HDAC9: variants seen among roughly 807,000 people sequenced by gnomAD.
HDAC9 encodes the protein histone deacetylase 9, also known as MEF-2 interacting transcription repressor (MITR) protein.
Under a neutral mutation model 139.4 loss-of-function variants are expected in HDAC9, and 41 were observed. The observed-to-expected ratio is 0.29, with a 90% CI of 0.23 to 0.38. The LOEUF (loss-of-function observed/expected upper bound fraction) is 0.38. Ranked by LOEUF, HDAC9 falls within the 10% of genes least tolerant of loss-of-function variation. HDAC9 has a pLI of 1.00. For missense variants in HDAC9, 1,147 were observed against 1,297.0 expected (o/e 0.88, Z 1.78); for synonymous variants, 517 against 476.2 (o/e 1.09, Z -1.12).
At position 18,222,663 on chromosome 7, in the gene HDAC9, G is replaced by C. The variant is rs763344323; in HGVS notation, c.25+60314G>C. On this transcript the variant is annotated intron_variant, in intron 2 of 12. Coordinates refer to the HDAC9 transcript ENST00000417496. ...TTTGCAAATGTAAACCTCTATTGCTGTCTACATATTTAAAACATTTTAAAT... is the reference window on the plus strand; with the variant it reads ...TTTGCAAATGTAAACCTCTATTGCTCTCTACATATTTAAAACATTTTAAAT... 4.6e-5 allele frequency among the ~76,000 whole-genome samples: 7 copies of C among 152,012 alleles called. 1 individual carries two copies. Among genetic ancestry groups the C allele is most frequent in the Admixed American group, 3.3e-4 (5 of 15,256 alleles).
chr7:18,505,295 T>G (rs1661386090), intron 2 of HDAC9, among the ~76,000 whole-genome samples: 1 of 152,192 alleles, frequency 6.6e-6, no homozygotes, highest in African/African-American at 2.4e-5. Context: ...GAAAGTAATT[T>G]TTTTTGAAAT....
chr7:18,642,530 G>A (rs1242286320), intron 8 of HDAC9, among the ~76,000 whole-genome samples: 1 of 152,092 alleles, frequency 6.6e-6, no homozygotes, highest in Non-Finnish European at 1.5e-5. Context: ...GACAGCATGA[G>A]CATAATGGTA....
chr7:18,551,445 A>G (rs1817097770), intron 2 of HDAC9, among the ~76,000 whole-genome samples: 1 of 152,042 alleles, frequency 6.6e-6, no homozygotes, highest in Non-Finnish European at 1.5e-5. Context: ...CAAGAACTAA[A>G]CCCCGGGGAA....
chr7:18,458,381 TA>T (rs1405352916), intron 1 of HDAC9, among the ~76,000 whole-genome samples: 10 of 152,224 alleles, frequency 6.6e-5, no homozygotes. Flanking sequence ...TAGGAAACCA[TA>T]AAAAACCCTC....
At chr7:18,824,199 C>T (rs527716173) in intron 17 of HDAC9, among the ~76,000 whole-genome samples, 9 of 152,192 alleles carry the variant, frequency 5.9e-5, no homozygotes, top group Non-Finnish European at 7.4e-5. Context: ...GTCTGCAAGC[C>T]GCAAAGAGAG....
At chr7:18,368,752 T>G (rs28513693) in intron 1 of HDAC9, among the ~76,000 whole-genome samples, 46,350 of 151,656 alleles carry the variant, frequency 0.31, 7,704 homozygotes, top group East Asian at 0.45. Flanking sequence ...ACATGCTCAG[T>G]GAGGCAAAAT....
In HDAC9 at chr7:18,980,699, TTCTTCTTCCTTCTTCC is replaced by T. The variant is rs1382601316; in HGVS notation, c.3170+4755_3170+4770del. ...TTCTTGTTCTTCTTGTTCTTCTTCC[TTCTTCTTCCTTCTTCC>T]TCTTCTTCTTCCTTCTTCTTCTTCT... is the stretch of plus-strand genomic sequence containing the variant. On this transcript the variant is annotated intron_variant, in intron 25 of 25. Transcript: ENST00000686413. Among the ~76,000 whole-genome samples the T allele has an allele frequency of 2.7e-5, 4 of 150,434 alleles. No homozygotes were observed. The South Asian group carries it at 8.4e-4, about 32-fold the overall frequency.
chr7:18,179,405 A>G (rs1001461288), intron 2 of HDAC9, among the ~76,000 whole-genome samples: 9 of 152,238 alleles, frequency 5.9e-5, no homozygotes, highest in African/African-American at 1.9e-4. Context: ...GAGGAGGGAC[A>G]TGTTAAGGTT....
rs189230654 is a variant in HDAC9 at position 18,760,775 on chromosome 7, T to C, written c.2044-1382T>C. Among the ~76,000 whole-genome samples, 14 of 152,332 alleles carry C rather than the reference T, an allele frequency of 9.2e-5. No individual in the cohort carries two copies. In the East Asian group the frequency reaches 2.7e-3, roughly 29 times the overall value. On this transcript the variant is annotated intron_variant, in intron 14 of 25. Coordinates refer to ENST00000686413, the MANE Select transcript of HDAC9 (RefSeq NM_178425.4). ...CTGTGACCTGATCATTTATTTTCAG[T>C]GACAAGCACAGCTCGGCCTCCGGCC...
rs1445746299 is a variant in HDAC9 at position 18,100,248 on chromosome 7, T to A, written c.-97+13035T>A. Among the ~76,000 whole-genome samples, 6 of 152,206 alleles carry A rather than the reference T, an allele frequency of 3.9e-5. 1 individual carries two copies. The highest frequency in any genetic ancestry group is 3.9e-4 in the Admixed American group (6 of 15,272). ...TAACGTATTCTGTTTATTCCTGGTT[T>A]TGAACAATTTGATTTTAATGTATCT... On this transcript the variant is annotated intron_variant, in intron 1 of 12. Coordinates refer to the HDAC9 transcript ENST00000417496.
At chr7:18,791,895 A>G (rs1792347298) in intron 16 of HDAC9, among the ~76,000 whole-genome samples, 1 of 152,156 alleles carries the variant, frequency 6.6e-6, no homozygotes. Flanking sequence ...GGTACTTTAA[A>G]AAGTTGGTAT....
intron 11 of HDAC9, among the ~76,000 whole-genome samples, chr7:18,652,530 A>AG (rs1461964083): frequency 6.6e-6 from 1 of 151,796 alleles, no homozygotes. Context: ...CACTATTTGA[A>AG]TGATATATAG....
chr7:18,382,464 T>C (rs1785526513), intron 1 of HDAC9, among the ~76,000 whole-genome samples: 1 of 152,228 alleles, frequency 6.6e-6, no homozygotes, highest in South Asian at 2.1e-4. Flanking sequence ...AGGAACAGGG[T>C]CGTTCATTAA....
chr7:18,615,686 A>C (rs1240715991), intron 6 of HDAC9, among the ~76,000 whole-genome samples: 10 of 152,166 alleles, frequency 6.6e-5, no homozygotes, highest in Non-Finnish European at 1.5e-4. Context: ...CTACTCTTTA[A>C]TTCCTACTAC....
intron 25 of HDAC9, among the ~76,000 whole-genome samples, chr7:18,990,401 C>T (rs1418414570): frequency 6.6e-6 from 1 of 152,196 alleles, no homozygotes; most frequent in East Asian, 1.9e-4. Flanking sequence ...GGCAGTCTGC[C>T]CGTTTTCAGA....
At chr7:18,659,302 A>G (rs889312978) in intron 11 of HDAC9, among the ~76,000 whole-genome samples, 1 of 152,174 alleles carries the variant, frequency 6.6e-6, no homozygotes, top group African/African-American at 2.4e-5. Context: ...GCTAACATAT[A>G]AACATTAGTG....
intron 2 of HDAC9, among the ~76,000 whole-genome samples, chr7:18,508,174 T>G (rs1251496286): frequency 1.3e-5 from 2 of 152,180 alleles, no homozygotes; most frequent in Non-Finnish European, 1.5e-5. Flanking sequence ...GGAATTAGTA[T>G]TAAGGTGAAA....
intron 12 of HDAC9, among the ~76,000 whole-genome samples, chr7:18,676,963 C>G (rs1038144166): frequency 2.0e-5 from 3 of 151,832 alleles, no homozygotes; most frequent in East Asian, 3.9e-4. Context: ...CTTCCTAAAT[C>G]TTAGTGATTT....
At chr7:18,124,630 C>T (rs575008046) in intron 1 of HDAC9, among the ~76,000 whole-genome samples, 11 of 152,138 alleles carry the variant, frequency 7.2e-5, no homozygotes, top group South Asian at 4.2e-4. Flanking sequence ...CTTCTAATAC[C>T]GTCAACTCTA....
Sources: allele counts gnomAD v4.1 joint callset (sites outside exome capture counted in the v4.1 genomes callset), GRCh38; gene constraint gnomAD v4.1.1; transcripts MANE v1.5; gene names NCBI Gene and HGNC (gene_info 2026-07-23, HGNC 2026-07-21).